Variants in AGAP2 observed in about 807,000 individuals in gnomAD.
AGAP2 encodes the protein arf-GAP with GTPase, ANK repeat and PH domain-containing protein 2.
AGAP2 carries 32 observed loss-of-function variants against 110.9 expected under a neutral mutation model. The ratio of observed to expected loss-of-function variants is 0.29; its 90% CI spans 0.22 to 0.39. The LOEUF (loss-of-function observed/expected upper bound fraction) is 0.39, where lower values mean the gene tolerates loss of function less well. Among genes scored for constraint, AGAP2 ranks in the 10% least tolerant of loss-of-function variants. The pLI is 1.00. For missense variants in AGAP2, 1,285 were observed against 1,638.5 expected, an observed-to-expected ratio of 0.78 and a Z score of 3.72; for synonymous variants, 702 against 713.0, an observed-to-expected ratio of 0.98 and a Z score of 0.25.
At chr12:57,724,818 G>A (rs969473066), downstream of AGAP2, 1 of 152,410 alleles carries the variant, frequency 6.6e-6, no homozygotes, top group Non-Finnish European at 1.5e-5. Flanking sequence ...GCTGTGCAGT[G>A]GAGGGGCAGG....
upstream of AGAP2, among the ~76,000 whole-genome samples, chr12:57,738,962 A>G (rs1955042326): frequency 6.6e-6 from 1 of 151,682 alleles, no homozygotes. This position sits in a 1 kb window ranked among gnomAD's most constrained non-coding sequence, Gnocchi z 6.7. Context: ...CTCCCCTCAC[A>G]TTGAGGAGGA....
At chr12:57,732,729 C>T in intron 6 of AGAP2, 116 bp downstream of exon 6, 3 of 1,526,332 alleles carry the variant, frequency 2.0e-6, no homozygotes, top group Non-Finnish European at 2.7e-6. Context: ...TCTCCTCCCT[C>T]CCACAAAGGC....
upstream of AGAP2, among the ~76,000 whole-genome samples, chr12:57,738,920 G>C (rs971442756): frequency 1.3e-5 from 2 of 152,004 alleles, no homozygotes; most frequent in Admixed American, 1.3e-4. This position sits in a 1 kb window ranked among gnomAD's most constrained non-coding sequence, Gnocchi z 6.7. Flanking sequence ...GCCTGGGCTC[G>C]GCTTGGTCCG....
Position 57,726,372 on chromosome 12 carries a change from G to T in AGAP2, c.*180C>A. On this transcript the variant is annotated 3_prime_UTR_variant, in exon 19 of 19. Transcript: ENST00000547588. This position sits in a 1 kb window ranked among gnomAD's most constrained non-coding sequence, Gnocchi z 5.7. ...TGGGGTCTCCATGCCTCGTTGGGGA[G>T]AGGGAGGTGAGTTTGTGTCTTCTGG... 1 of 454,662 alleles carries T rather than the reference G, an allele frequency of 2.2e-6. No homozygotes were observed. The highest frequency in any genetic ancestry group is 3.3e-6 in the Non-Finnish European group (1 of 306,774). The allele number at this position is 454,662 out of a possible 1,614,324, so 28.2% of individuals were successfully genotyped here.
Position 57,737,563 on chromosome 12 carries a change from G to A in AGAP2, c.684C>T (p.Ala228=), listed in dbSNP as rs747040329. 1 of 1,550,314 alleles carries A rather than the reference G, an allele frequency of 6.5e-7. No individual in the cohort carries two copies. Among genetic ancestry groups the A allele is most frequent in the South Asian group, 1.2e-5 (1 of 84,346 alleles). Residue 228 remains alanine (A), a synonymous_variant, in exon 1 of 19, where the codon GCC becomes GCT. Coordinates refer to ENST00000547588, the MANE Select transcript of AGAP2 (RefSeq NM_001122772.3). This position sits in a 1 kb window ranked among gnomAD's most constrained non-coding sequence, Gnocchi z 5.9. ...CGGCAGAGACCGAAGCTCCAGTCCC[G>A]GCGCTGCTCTTTGACCCCTTGACCC... ...KPRVKGSKSS[A]GTGASVSAAA...
chr12:57,741,862 C>A, upstream of AGAP2: 6 of 1,589,896 alleles, frequency 3.8e-6, no homozygotes, highest in Non-Finnish European at 5.2e-6. Context: ...ACCTTCTATG[C>A]ACCTGCTAGT....
At chr12:57,731,217 T>A in intron 10 of AGAP2, 149 bp downstream of exon 10, 1 of 748,838 alleles carries the variant, frequency 1.3e-6, no homozygotes, top group Non-Finnish European at 2.2e-6. Context: ...CATGGGCACA[T>A]GGTGGGCTCT....
Position 57,738,252 on chromosome 12 carries a change from C to A in AGAP2, c.-6G>T. 1.3e-6 allele frequency: 2 copies of A among 1,507,304 alleles called. No homozygotes were observed. The highest frequency in any genetic ancestry group is 1.8e-6 in the Non-Finnish European group (2 of 1,133,022). The allele number at this position is 1,507,304 out of a possible 1,614,324, so 93.4% of individuals were successfully genotyped here. On this transcript the variant is annotated 5_prime_UTR_variant, in exon 1 of 19. Coordinates refer to ENST00000547588, the MANE Select transcript of AGAP2 (RefSeq NM_001122772.3). The surrounding 1 kb of genome is among the most constrained non-coding windows in gnomAD (Gnocchi z 6.7). ...GCGCCCGCGCCCCGGCTCATGGGGC[C>A]CGGAGACCCCCGAGCTGGGGAGGGG...
At chr12:57,729,340 G>A (rs1954839572) in intron 13 of AGAP2, among the ~76,000 whole-genome samples, 1 of 151,892 alleles carries the variant, frequency 6.6e-6, no homozygotes, top group Non-Finnish European at 1.5e-5. Context: ...GGGCTGGGGT[G>A]GTAAGTGGAG....
upstream of AGAP2, among the ~76,000 whole-genome samples, chr12:57,738,960 A>G (rs1955042285): frequency 6.6e-6 from 1 of 151,772 alleles, no homozygotes; most frequent in Non-Finnish European, 1.5e-5. This position sits in a 1 kb window ranked among gnomAD's most constrained non-coding sequence, Gnocchi z 6.7. Flanking sequence ...CGCTCCCCTC[A>G]CATTGAGGAG....
Position 57,726,666 on chromosome 12 carries a change from C to T in AGAP2, c.3465G>A (p.Ala1155=). Residue 1155 remains alanine, a synonymous_variant, in exon 19 of 19, where the codon GCG becomes GCA. Coordinates refer to ENST00000547588, the MANE Select transcript of AGAP2 (RefSeq NM_001122772.3). The surrounding 1 kb of genome is among the most constrained non-coding windows in gnomAD (Gnocchi z 5.7). ...QHGCPGEGGS[A]ATTPSAATTP... is the part of the protein sequence containing the mutation. Reference sequence around the variant, plus strand: ...TGGTGGCCGCGCTGGGCGTGGTGGCCGCGCTGCCGCCCTCACCCGGGCAGC... The same window carrying T: ...TGGTGGCCGCGCTGGGCGTGGTGGCTGCGCTGCCGCCCTCACCCGGGCAGC... The T allele has an allele frequency of 3.3e-6, 4 of 1,208,860 alleles. No homozygotes were observed. Among genetic ancestry groups the T allele is most frequent in the South Asian group, 3.6e-5 (1 of 27,802 alleles). 74.9% of individuals were successfully genotyped at this position (1,208,860 alleles called of 1,614,324 possible).
intron 2 of AGAP2, 45 bp from the exon 3 acceptor site, chr12:57,734,724 G>T: frequency 6.3e-7 from 1 of 1,578,436 alleles, no homozygotes; most frequent in Non-Finnish European, 8.7e-7. Context: ...TATAAGAGAA[G>T]GCAGGATGCA....
At chr12:57,739,821 A>G (rs1362891581), upstream of AGAP2, 3 of 152,202 alleles carry the variant, frequency 2.0e-5, no homozygotes, top group Non-Finnish European at 4.4e-5. Context: ...CGGCCTCTTC[A>G]GGGTTCCCTT....
chr12:57,741,287 G>T (rs1336354072), upstream of AGAP2, among the ~76,000 whole-genome samples: 1 of 152,192 alleles, frequency 6.6e-6, no homozygotes, highest in African/African-American at 2.4e-5. Context: ...AGGTAGAGCG[G>T]AAGGTGTGTG....
Position 57,738,194 on chromosome 12 carries a change from G to C in AGAP2, c.53C>G (p.Ser18Trp), listed in dbSNP as rs1955028043. 6.6e-7 allele frequency: 1 copy of C among 1,525,660 alleles called. No individual in the cohort carries two copies. Among genetic ancestry groups the C allele is most frequent in the Non-Finnish European group, 8.8e-7 (1 of 1,141,766 alleles). The allele number at this position is 1,525,660 out of a possible 1,614,324, so 94.5% of individuals were successfully genotyped here. ...LQRRTTTYLI[S>W]LTLVKLESVP... ...CGACTCGAGCTTAACCAGGGTCAGC[G>C]AGATGAGGTAGGTCGTTGTCCGGCG... The change falls in exon 1 of 19, where the codon TCG becomes TGG. Residue 18 changes from serine to tryptophan, a missense_variant. This residue lies in a region of AGAP2 where 844 missense variants were observed against 941.2 expected (regional missense o/e 0.90). Coordinates refer to ENST00000547588, the MANE Select transcript of AGAP2 (RefSeq NM_001122772.3). This position sits in a 1 kb window ranked among gnomAD's most constrained non-coding sequence, Gnocchi z 6.7.
rs1471717217 is a variant in AGAP2 at position 57,726,803 on chromosome 12, C to A, written c.3337-9G>T. Reference sequence around the variant, plus strand: ...GCCACGTCCGCGCCGTACTAGAGGGCGGAAACGGCCGCGTGACCGCGCGTC... The same window carrying A: ...GCCACGTCCGCGCCGTACTAGAGGGAGGAAACGGCCGCGTGACCGCGCGTC... On this transcript the variant is annotated splice_polypyrimidine_tract_variant and intron_variant, in intron 18 of 18. Transcript: ENST00000547588. The surrounding 1 kb of genome is among the most constrained non-coding windows in gnomAD (Gnocchi z 5.7). 4.9e-6 allele frequency: 7 copies of A among 1,426,350 alleles called. No homozygotes were observed. The highest frequency in any genetic ancestry group is 6.4e-6 in the Non-Finnish European group (7 of 1,094,960). The allele number at this position is 1,426,350 out of a possible 1,614,324, so 88.4% of individuals were successfully genotyped here.
At chr12:57,742,135 G>A (rs373597327), upstream of AGAP2, 2 of 1,568,906 alleles carry the variant, frequency 1.3e-6, no homozygotes, top group African/African-American at 2.7e-5. Flanking sequence ...TGGCCCTACA[G>A]CCCCCAAACC....
At chr12:57,728,456 AAGAC>A (rs1182800144) in intron 13 of AGAP2, 79 bp from the exon 14 acceptor site, 7 of 1,456,440 alleles carry the variant, frequency 4.8e-6, no homozygotes, top group African/African-American at 1.4e-5. Context: ...GAAGGAGAAA[AAGAC>A]AGGTAGATGG....
chr12:57,733,089 G>T, intron 5 of AGAP2, 110 bp from the exon 6 acceptor site: 2 of 1,375,324 alleles, frequency 1.5e-6, no homozygotes, highest in Non-Finnish European at 2.0e-6. Context: ...ACTGGGGATG[G>T]GGTGTGAGAG....
Sources: gnomAD v4.1 joint callset for allele counts (sites outside exome capture counted in the v4.1 genomes callset) on GRCh38, gnomAD v4.1.1 for gene constraint, gnomAD v4.1.1 regional missense constraint, Gnocchi (gnomAD v3.1) non-coding constraint, MANE v1.5 for transcripts, NCBI Gene and HGNC (gene_info 2026-07-23, HGNC 2026-07-21) for gene names.